The following FER1L6 variants were observed in gnomAD, a reference collection of about 807,000 sequenced individuals.
FER1L6 encodes fer-1-like protein 6.
A neutral mutation model predicts 219.2 loss-of-function variants in FER1L6; 177 were observed. That is an observed-to-expected ratio of 0.81 (90% CI 0.71 to 0.91). The LOEUF (loss-of-function observed/expected upper bound fraction) is 0.91, where lower values mean the gene tolerates loss of function less well. FER1L6 is among the 40% of genes least tolerant of loss of function. FER1L6 has a pLI of 0.00. For synonymous variants in FER1L6, 768 were observed against 824.3 expected, an observed-to-expected ratio of 0.93 and a Z score of 1.17; for missense variants, 2,153 against 2,259.9, an observed-to-expected ratio of 0.95 and a Z score of 0.96.
chr8:124,031,454 G>C (rs1207222405), intron 18 of FER1L6, among the ~76,000 whole-genome samples: 1 of 152,104 alleles, frequency 6.6e-6, no homozygotes, highest in Non-Finnish European at 1.5e-5. Context: ...GCTGCTTCTT[G>C]GCCTCTCTGT....
intron 12 of FER1L6, among the ~76,000 whole-genome samples, chr8:123,995,492 T>C (rs903137052): frequency 6.6e-6 from 1 of 152,220 alleles, no homozygotes; most frequent in African/African-American, 2.4e-5. Context: ...TAATGATTCT[T>C]TGAATTTTTG....
intron 1 of FER1L6, among the ~76,000 whole-genome samples, chr8:123,906,363 T>C (rs1431474953): frequency 6.6e-6 from 1 of 152,144 alleles, no homozygotes; most frequent in South Asian, 2.1e-4. Context: ...ACACTGTGGA[T>C]AATTTCCAGA....
Position 124,015,607 on chromosome 8 carries a change from A to ATATATATGTATGTATG in FER1L6, c.1923-2014_1923-2013insGTATGTATGTATATAT, listed in dbSNP as rs58755373. Reference sequence around the variant, plus strand: ...TATATATATATATATATATATATATATATATATATTACTCCTGCTGTGAGC... The same window carrying ATATATATGTATGTATG: ...TATATATATATATATATATATATATATATATATGTATGTATGTATATATATTACTCCTGCTGTGAGC... On this transcript the variant is annotated intron_variant, in intron 15 of 40. Transcript: ENST00000522917. Among the ~76,000 whole-genome samples, 644 of 88,578 alleles carry ATATATATGTATGTATG rather than the reference A, an allele frequency of 7.3e-3. 16 individuals carry two copies. The highest frequency in any genetic ancestry group is 0.026 in the African/African-American group (594 of 23,234). 58.1% of individuals were successfully genotyped at this position (88,578 alleles called of 152,430 possible). A position where few individuals can be genotyped will look rare whatever the true frequency, so the allele number is the denominator to read the frequency against.
intron 20 of FER1L6, among the ~76,000 whole-genome samples, chr8:124,040,228 C>T (rs574503824): frequency 6.6e-6 from 1 of 152,280 alleles, no homozygotes; most frequent in South Asian, 2.1e-4. Context: ...ATGCAAGTCC[C>T]TGAGGCGAAG....
chr8:123,963,319 C>T lies in FER1L6; in HGVS notation c.118C>T (p.His40Tyr). 6.2e-7 allele frequency: 1 copy of T among 1,614,112 alleles called. No individual in the cohort carries two copies. The highest frequency in any genetic ancestry group is 8.5e-7 in the Non-Finnish European group (1 of 1,179,948). Residue 40 changes from histidine to tyrosine, a missense_variant, in exon 3 of 41, where the codon CAC becomes TAC. By Grantham distance (83) the His-to-Tyr change is moderately conservative. Transcript: ENST00000522917. ...TGAAGCACTGCAGGAGGAGCCTTCT[C>T]ACCAGGAAGGACCGAGAGGAGATTT... is the stretch of plus-strand genomic sequence containing the variant. ...DTEALQEEPSHQEGPRGDLVH... is the reference protein window; with the variant it reads ...DTEALQEEPSYQEGPRGDLVH...
chr8:124,009,698 G>T (rs112248892), intron 13 of FER1L6, among the ~76,000 whole-genome samples: 1 of 152,086 alleles, frequency 6.6e-6, no homozygotes, highest in Non-Finnish European at 1.5e-5. Flanking sequence ...CATTGATCGG[G>T]AGGTCCAGGA....
At chr8:123,966,336 C>T (rs1815539873) in intron 5 of FER1L6, 46 bp downstream of exon 5, 3 of 1,608,096 alleles carry the variant, frequency 1.9e-6, no homozygotes, top group Middle Eastern at 1.7e-4. Context: ...AGATTCTCTT[C>T]ACCACCATTC....
chr8:123,968,730 T>A (rs1004260963), intron 5 of FER1L6, among the ~76,000 whole-genome samples: 1 of 152,196 alleles, frequency 6.6e-6, no homozygotes, highest in African/African-American at 2.4e-5. Context: ...CAGAATGGAA[T>A]CTTTGGTTGA....
intron 22 of FER1L6, among the ~76,000 whole-genome samples, chr8:124,051,498 G>A (rs556338936): frequency 6.6e-6 from 1 of 152,246 alleles, no homozygotes; most frequent in East Asian, 1.9e-4. Context: ...GCAAAATGGG[G>A]ATTATAGTCA....
At chr8:123,985,115 C>T (rs570599022) in intron 11 of FER1L6, 2 of 152,336 alleles carry the variant, frequency 1.3e-5, no homozygotes, top group African/African-American at 4.8e-5. Flanking sequence ...GTCCTCCAGA[C>T]TGTGGACTCC....
intron 10 of FER1L6, among the ~76,000 whole-genome samples, chr8:123,978,658 T>C (rs1322499775): frequency 6.6e-6 from 1 of 152,208 alleles, no homozygotes; most frequent in East Asian, 1.9e-4. Flanking sequence ...CATATACATG[T>C]ATGTACAAAT....
chr8:124,069,270 A>G, intron 28 of FER1L6, 90 bp from the exon 29 acceptor site: 1 of 960,354 alleles, frequency 1.0e-6, no homozygotes, highest in East Asian at 2.4e-5. Flanking sequence ...ACAACATAGG[A>G]CATGTCAGCA....
chr8:123,878,236 A>G (rs1817043687), intron 1 of FER1L6, among the ~76,000 whole-genome samples: 1 of 152,184 alleles, frequency 6.6e-6, no homozygotes, highest in Non-Finnish European at 1.5e-5. Flanking sequence ...ACTACTGAGA[A>G]TTAGGGCAGG....
intron 15 of FER1L6, 34 bp downstream of exon 15, chr8:124,013,565 G>A: frequency 2.1e-6 from 3 of 1,459,310 alleles, no homozygotes; most frequent in Non-Finnish European, 1.9e-6. Context: ...AGGCGGAGCT[G>A]AGCTTCTGTG....
chr8:123,981,049 G>A (rs1816303034), intron 11 of FER1L6, among the ~76,000 whole-genome samples: 1 of 152,142 alleles, frequency 6.6e-6, no homozygotes, highest in Non-Finnish European at 1.5e-5. Context: ...AATTCCCATG[G>A]AAACCCAAGT....
rs541751547 is a variant in FER1L6 at position 123,961,765 on chromosome 8, A to T, written c.77-1513A>T. 1.3e-4 allele frequency among the ~76,000 whole-genome samples: 20 copies of T among 152,320 alleles called. No homozygotes were observed. In the East Asian group the frequency reaches 3.9e-3, roughly 29 times the overall value. ...TGGAGACTTGATTTTTAAATGTATT[A>T]GAATTAGGCCCTATATGTAAAAAGA... On this transcript the variant is annotated intron_variant, in intron 2 of 40. Transcript: ENST00000522917.
intron 1 of FER1L6, among the ~76,000 whole-genome samples, chr8:123,945,416 C>T (rs1814443394): frequency 6.6e-6 from 1 of 152,180 alleles, no homozygotes; most frequent in African/African-American, 2.4e-5. Flanking sequence ...CCCTGTAAAT[C>T]CCACACAAAA....
intron 1 of FER1L6, among the ~76,000 whole-genome samples, chr8:123,866,009 C>T (rs184946658): frequency 2.6e-4 from 39 of 151,406 alleles, no homozygotes; most frequent in Admixed American, 5.9e-4. Context: ...TCCTCCCCCC[C>T]ACATTTTCTT....
intron 8 of FER1L6, 29 bp from the exon 9 acceptor site, chr8:123,975,869 T>A: frequency 6.6e-7 from 1 of 1,512,942 alleles, no homozygotes; most frequent in Non-Finnish European, 8.9e-7. Flanking sequence ...TTGAGAGAGC[T>A]TTTTCATTTG....
Sources: allele counts gnomAD v4.1 joint callset (sites outside exome capture counted in the v4.1 genomes callset), GRCh38; gene constraint gnomAD v4.1.1; transcripts MANE v1.5; gene names NCBI Gene and HGNC (gene_info 2026-07-23, HGNC 2026-07-21).